Variants in ZNF735 observed in about 807,000 individuals in gnomAD.
ZNF735 encodes putative zinc finger protein 735.
Under a neutral mutation model 13.4 loss-of-function variants are expected in ZNF735, and 11 were observed. The observed-to-expected ratio is 0.82, with a 90% confidence interval of 0.52 to 1.36. ZNF735 has a LOEUF of 1.36. ZNF735 is among the 40% of genes most tolerant of loss of function. The pLI is 0.00. For missense variants in ZNF735, 500 were observed against 484.6 expected (o/e 1.03, Z -0.30); for synonymous variants, 171 against 162.6 (o/e 1.05, Z -0.39).
In ZNF735 at chr7:64,214,060, A is replaced by T; in HGVS notation, c.214A>T (p.Lys72Ter). 1 of 1,600,756 alleles carries T rather than the reference A, an allele frequency of 6.2e-7. No homozygotes were observed. The change falls in exon 3 of 4, where the codon AAA becomes TAA. Residue 72 changes from lysine (K) to a stop codon, truncating the protein, a stop_gained. Transcript: ENST00000429565. LOFTEE classifies it low-confidence loss of function (END_TRUNC). ...CTTGATCGCCTGTCTGGAGCAAAAT[A>T]AAGAGCCCCAGAATATAAAGAGAAA...
chr7:64,217,927 A>G (rs1787441786), intron 3 of ZNF735, among the ~76,000 whole-genome samples: 1 of 152,104 alleles, frequency 6.6e-6, no homozygotes. Flanking sequence ...TTTTATGCTT[A>G]TATCTTTCAA....
At chr7:64,218,388 G>T (rs1291176591) in intron 3 of ZNF735, among the ~76,000 whole-genome samples, 1 of 150,798 alleles carries the variant, frequency 6.6e-6, no homozygotes, top group Non-Finnish European at 1.5e-5. Context: ...TTAAATATGT[G>T]TTATGGATCT....
chr7:64,214,720 T>C (rs1787399708), intron 3 of ZNF735, among the ~76,000 whole-genome samples: 1 of 151,950 alleles, frequency 6.6e-6, no homozygotes. Flanking sequence ...TTTACTCTGT[T>C]GCATATTTTA....
At chr7:64,214,171 AG>A in intron 3 of ZNF735, 63 bp downstream of exon 3, 1 of 1,534,826 alleles carries the variant, frequency 6.5e-7, no homozygotes, top group Non-Finnish European at 8.8e-7. Context: ...GGAGGTAGCC[AG>A]TCTTTAAAAT....
intron 1 of ZNF735, 102 bp from the exon 2 acceptor site, chr7:64,212,990 C>T: frequency 4.0e-6 from 5 of 1,257,096 alleles, no homozygotes; most frequent in Non-Finnish European, 5.5e-6. Context: ...AAGTGAGAAA[C>T]ACTTCTTTTT....
intron 3 of ZNF735, among the ~76,000 whole-genome samples, chr7:64,216,113 G>GTGAAAACCC (rs1787417905): frequency 6.6e-6 from 1 of 151,854 alleles, no homozygotes; most frequent in Non-Finnish European, 1.5e-5. Flanking sequence ...GGCTAACAAG[G>GTGAAAACCC]TGAAAACCCG....
At chr7:64,210,967 TC>T (rs1489282462) in intron 1 of ZNF735, among the ~76,000 whole-genome samples, 1 of 152,170 alleles carries the variant, frequency 6.6e-6, no homozygotes, top group African/African-American at 2.4e-5. Flanking sequence ...TCACTTTTTC[TC>T]AGGTGAGCAT....
At position 64,214,122 on chromosome 7, in the gene ZNF735, A is replaced by G; in HGVS notation, c.262+14A>G. ...CCAAACACCCAGGTAGGTGAGAGCA[A>G]ATGAAGCAGATGACACGGATGAGAT... On this transcript the variant is annotated intron_variant, in intron 3 of 3. Transcript: ENST00000429565. 6.3e-7 allele frequency: 1 copy of G among 1,598,138 alleles called. No homozygotes were observed. Among genetic ancestry groups the G allele is most frequent in the South Asian group, 1.1e-5 (1 of 90,802 alleles).
chr7:64,216,899 C>T (rs118090937), intron 3 of ZNF735, among the ~76,000 whole-genome samples: 5,424 of 152,226 alleles, frequency 0.036, 170 homozygotes, highest in East Asian at 0.16. Context: ...AGCCACTGCA[C>T]CTGGCTGATC....
chr7:64,213,136 G>A (rs769682219), exon 2 of ZNF735: 101 of 1,612,654 alleles, frequency 6.3e-5, no homozygotes, highest in Admixed American at 1.8e-4. Flanking sequence ...TCTCTCTGGC[G>A]GAGTGGCAAT....
At chr7:64,209,399 T>C (rs1023426152) in intron 1 of ZNF735, among the ~76,000 whole-genome samples, 1 of 151,486 alleles carries the variant, frequency 6.6e-6, no homozygotes, top group African/African-American at 2.4e-5. Flanking sequence ...CAGGCTGGAG[T>C]GCAGTGGCGT....
At chr7:64,220,289 A>G in exon 4 of ZNF735, 1 of 1,602,900 alleles carries the variant, frequency 6.2e-7, no homozygotes, top group South Asian at 1.1e-5. Context: ...AAATGTAAAT[A>G]ATGTGGCAAA....
intron 1 of ZNF735, among the ~76,000 whole-genome samples, chr7:64,208,254 T>C (rs1263774130): frequency 3.4e-5 from 2 of 58,868 alleles, no homozygotes; most frequent in African/African-American, 1.4e-4. Flanking sequence ...GTTTTTTTTT[T>C]TTTTTTTTTT....
Position 64,211,883 on chromosome 7 carries a change from G to GAAA in ZNF735, c.40-1203_40-1201dup, listed in dbSNP as rs566518230. Reference sequence around the variant, plus strand: ...TCCATCTCAAAAAAAAAAGAAAAAAGAAAAAAAATATATATATATATATAT... The same window carrying GAAA: ...TCCATCTCAAAAAAAAAAGAAAAAAGAAAAAAAAAAATATATATATATATATAT... On this transcript the variant is annotated intron_variant, in intron 1 of 3. Coordinates refer to ENST00000429565, the Ensembl canonical transcript of ZNF735. 5.2e-5 allele frequency among the ~76,000 whole-genome samples: 5 copies of GAAA among 95,342 alleles called. No individual in the cohort carries two copies. In the East Asian group the frequency reaches 1.4e-3, roughly 28 times the overall value. 62.5% of individuals were successfully genotyped at this position (95,342 alleles called of 152,430 possible).
At chr7:64,215,557 TTC>T (rs1787409462) in intron 3 of ZNF735, among the ~76,000 whole-genome samples, 1 of 152,234 alleles carries the variant, frequency 6.6e-6, no homozygotes, top group South Asian at 2.1e-4. Context: ...TTTCCTGTTC[TTC>T]TCTTTGTTGC....
At chr7:64,212,748 G>C (rs977252879) in intron 1 of ZNF735, among the ~76,000 whole-genome samples, 1 of 150,384 alleles carries the variant, frequency 6.6e-6, no homozygotes, top group East Asian at 2.0e-4. Flanking sequence ...CCAAGATCAC[G>C]CTACTGCACT....
At chr7:64,207,610 G>GT (rs1262861841) in intron 1 of ZNF735, among the ~76,000 whole-genome samples, 1 of 152,160 alleles carries the variant, frequency 6.6e-6, no homozygotes, top group East Asian at 1.9e-4. Context: ...GGTCCCTGGG[G>GT]TCCCTAGTTC....
intron 3 of ZNF735, among the ~76,000 whole-genome samples, chr7:64,216,374 C>T (rs1787421349): frequency 6.6e-6 from 1 of 151,260 alleles, no homozygotes; most frequent in Non-Finnish European, 1.5e-5. Context: ...TAAATTTGTT[C>T]ACCACTGTGG....
intron 1 of ZNF735, among the ~76,000 whole-genome samples, chr7:64,211,005 C>T (rs1787353754): frequency 6.6e-6 from 1 of 152,196 alleles, no homozygotes; most frequent in South Asian, 2.1e-4. Context: ...AGTGTCCACT[C>T]TGCCTTTTGG....
Sources: gnomAD v4.1 joint callset for allele counts (sites outside exome capture counted in the v4.1 genomes callset) on GRCh38, gnomAD v4.1.1 for gene constraint, MANE v1.5 for transcripts, NCBI Gene and HGNC (gene_info 2026-07-23, HGNC 2026-07-21) for gene names.